Variants in MAPK10 observed in about 807,000 individuals in gnomAD.
MAPK10 encodes JNK3 alpha protein kinase.
A neutral mutation model predicts 59.3 loss-of-function variants in MAPK10; 25 were observed. That is an observed-to-expected ratio of 0.42 (90% CI 0.31 to 0.59). The LOEUF (loss-of-function observed/expected upper bound fraction) is 0.59. Ranked by LOEUF, MAPK10 falls within the 20% of genes least tolerant of loss-of-function variation. The probability of loss-of-function intolerance (pLI) is 0.15; values close to 1 mark genes in which losing one functional copy is unlikely to be tolerated. For missense variants in MAPK10, 351 were observed against 568.9 expected (o/e 0.62, Z 3.90); for synonymous variants, 190 against 200.5 (o/e 0.95, Z 0.44).
chr4:86,499,684 A>G (rs1755154726), intron 1 of MAPK10, among the ~76,000 whole-genome samples: 1 of 152,158 alleles, frequency 6.6e-6, no homozygotes, highest in East Asian at 1.9e-4. Context: ...TTTTTCCTTA[A>G]TGATAGAACT....
At chr4:86,566,476 G>C (rs1218252761) in intron 1 of MAPK10, among the ~76,000 whole-genome samples, 1 of 152,154 alleles carries the variant, frequency 6.6e-6, no homozygotes, top group Non-Finnish European at 1.5e-5. Context: ...CACTTTGGGA[G>C]GCCGAGGCAG....
intron 2 of MAPK10, among the ~76,000 whole-genome samples, chr4:86,307,168 TC>T (rs2095584276): frequency 6.6e-6 from 1 of 152,040 alleles, no homozygotes; most frequent in Non-Finnish European, 1.5e-5. Flanking sequence ...TCAGAAGAGG[TC>T]CTTTCTGGTC....
chr4:86,247,609 T>C (rs2148704480), intron 2 of MAPK10, among the ~76,000 whole-genome samples: 1 of 151,998 alleles, frequency 6.6e-6, no homozygotes, highest in East Asian at 1.9e-4. Flanking sequence ...ATTACCATAA[T>C]AGGTGATGGT....
At chr4:86,064,630 C>A in intron 10 of MAPK10, 1 of 462,150 alleles carries the variant, frequency 2.2e-6, no homozygotes, top group Non-Finnish European at 3.9e-6. Flanking sequence ...TAATTATTCA[C>A]GCAAACTTCT....
intron 2 of MAPK10, among the ~76,000 whole-genome samples, chr4:86,318,645 T>C (rs2095835535): frequency 1.3e-5 from 2 of 152,026 alleles, no homozygotes; most frequent in African/African-American, 4.8e-5. Flanking sequence ...ATTTGAAGGG[T>C]TTCTCTGATC....
In MAPK10 at chr4:86,312,918, T is replaced by A. The variant is rs189016776; in HGVS notation, c.-7+41612A>T. Among the ~76,000 whole-genome samples the A allele has an allele frequency of 5.8e-3, 880 of 152,254 alleles. 5 individuals are homozygous for A. Among genetic ancestry groups the A allele is most frequent in the Middle Eastern group, 0.02 (6 of 294 alleles). On this transcript the variant is annotated intron_variant, in intron 2 of 13. Coordinates refer to ENST00000641462, the MANE Select transcript of MAPK10 (RefSeq NM_138982.4). ...ATGTGTACTTTTGGCGTTGATATTA[T>A]TTAAGCTGGTATTCTAAGCTTATGA...
chr4:86,159,231 G>A (rs1174051412), intron 4 of MAPK10, 67 bp downstream of exon 4: 3 of 1,224,376 alleles, frequency 2.5e-6, no homozygotes, highest in African/African-American at 3.1e-5. Context: ...GTTTGTTTGT[G>A]TGTTTGTGTC....
chr4:86,413,322 C>G (rs916572064), intron 1 of MAPK10, among the ~76,000 whole-genome samples: 1 of 152,160 alleles, frequency 6.6e-6, no homozygotes, highest in Non-Finnish European at 1.5e-5. Context: ...TGTCTGTCGG[C>G]CCCTACTGGG....
chr4:86,269,577 C>A (rs901823543), intron 2 of MAPK10, among the ~76,000 whole-genome samples: 4 of 152,110 alleles, frequency 2.6e-5, no homozygotes, highest in Non-Finnish European at 4.4e-5. Context: ...ACTCTCTCGC[C>A]TCTATCCAGC....
At chr4:86,202,735 G>GC (rs1225439108) in intron 2 of MAPK10, among the ~76,000 whole-genome samples, 2 of 151,756 alleles carry the variant, frequency 1.3e-5, no homozygotes, top group Non-Finnish European at 2.9e-5. Flanking sequence ...CAGCACCACC[G>GC]CCCCAAAACA....
intron 1 of MAPK10, among the ~76,000 whole-genome samples, chr4:86,422,639 C>A (rs1028074100): frequency 6.6e-5 from 10 of 152,132 alleles, no homozygotes; most frequent in African/African-American, 2.4e-4. Context: ...GGTAAGCCAA[C>A]AAGGACATAA....
intron 1 of MAPK10, among the ~76,000 whole-genome samples, chr4:86,483,812 G>A (rs538569233): frequency 6.6e-6 from 1 of 152,248 alleles, no homozygotes; most frequent in South Asian, 2.1e-4. Flanking sequence ...AGATTAGATG[G>A]ATGTATGCAC....
intron 2 of MAPK10, among the ~76,000 whole-genome samples, chr4:86,338,981 AC>A (rs1723259878): frequency 6.9e-6 from 1 of 144,734 alleles, no homozygotes; most frequent in Admixed American, 7.0e-5. Flanking sequence ...TAAAAAAAAA[AC>A]CCAAGTCTTA....
intron 9 of MAPK10, chr4:86,079,780 C>T (rs1228026747): frequency 1.3e-5 from 2 of 152,140 alleles, no homozygotes; most frequent in Non-Finnish European, 2.9e-5. Context: ...ACTTTCACTT[C>T]TGTATATAAC....
At chr4:86,232,013 G>A (rs1259688403) in intron 2 of MAPK10, among the ~76,000 whole-genome samples, 4 of 152,140 alleles carry the variant, frequency 2.6e-5, no homozygotes, top group Non-Finnish European at 4.4e-5. Context: ...CTATACCAGC[G>A]GTCACCAAAC....
At chr4:86,368,296 T>C (rs1380281273) in intron 1 of MAPK10, among the ~76,000 whole-genome samples, 1 of 152,222 alleles carries the variant, frequency 6.6e-6, no homozygotes, top group East Asian at 1.9e-4. Context: ...CCCCATAGTT[T>C]CCCCTATTAT....
chr4:86,263,578 T>G (rs923176690), intron 2 of MAPK10, among the ~76,000 whole-genome samples: 3 of 152,126 alleles, frequency 2.0e-5, no homozygotes, highest in Non-Finnish European at 2.9e-5. Context: ...TATACTGGCA[T>G]GACAAATAGG....
At chr4:86,350,449 C>T (rs1217591120) in intron 2 of MAPK10, among the ~76,000 whole-genome samples, 1 of 152,086 alleles carries the variant, frequency 6.6e-6, no homozygotes, top group Non-Finnish European at 1.5e-5. Context: ...CTCCTGACCT[C>T]GTGATCCGCC....
intron 1 of MAPK10, among the ~76,000 whole-genome samples, chr4:86,396,318 G>A (rs960822365): frequency 2.6e-5 from 4 of 152,200 alleles, no homozygotes; most frequent in Non-Finnish European, 5.9e-5. Flanking sequence ...CTGCACTCCA[G>A]CCTGGGCAAG....
Sources: gnomAD v4.1 joint callset for allele counts (sites outside exome capture counted in the v4.1 genomes callset) on GRCh38, gnomAD v4.1.1 for gene constraint, MANE v1.5 for transcripts, NCBI Gene and HGNC (gene_info 2026-07-23, HGNC 2026-07-21) for gene names.